The following B4GALNT2 variants were observed in gnomAD, a reference collection of about 807,000 sequenced individuals.
B4GALNT2 encodes N-acetylneuraminylgalactosylglucosyl-glucoside beta-1,4-N- acetylgalactosaminyltransferase 2.
In B4GALNT2, 42 loss-of-function variants were observed where a neutral mutation model predicts 51.1. That is an observed-to-expected ratio of 0.82 (90% confidence interval 0.64 to 1.06). B4GALNT2 has a LOEUF of 1.06. Ranked by LOEUF, B4GALNT2 falls within the 50% of genes least tolerant of loss-of-function variation. B4GALNT2 has a pLI of 0.00. For synonymous variants in B4GALNT2, 253 were observed against 251.7 expected, an observed-to-expected ratio of 1.01 and a Z score of -0.05; for missense variants, 602 against 633.6, an observed-to-expected ratio of 0.95 and a Z score of 0.54.
chr17:49,172,087 C>A lies in B4GALNT2; in HGVS notation c.*2359C>A. 3.3e-6 allele frequency: 1 copy of A among 301,358 alleles called. No homozygotes were observed. Among genetic ancestry groups the A allele is most frequent in the East Asian group, 5.6e-5 (1 of 17,998 alleles). 18.7% of individuals were successfully genotyped at this position (301,358 alleles called of 1,614,324 possible). ...CTATCATATCTATCATTAAATTACT[C>A]ATTGTGACTGGTTGTCCCACTTTCC... On this transcript the variant is annotated 3_prime_UTR_variant, in exon 11 of 11. Transcript: ENST00000393354.
intron 3 of B4GALNT2, among the ~76,000 whole-genome samples, chr17:49,147,900 T>G (rs539985937): frequency 6.6e-6 from 1 of 151,966 alleles, no homozygotes; most frequent in Non-Finnish European, 1.5e-5. Flanking sequence ...CTGTTGGTTT[T>G]TTGTGTATTT....
intron 1 of B4GALNT2, among the ~76,000 whole-genome samples, chr17:49,136,542 ATTTATTTATT>A (rs895129617): frequency 2.0e-5 from 3 of 150,674 alleles, no homozygotes; most frequent in African/African-American, 4.9e-5. Context: ...TTATTTATTT[ATTTATTTATT>A]TATTTATTTT....
At chr17:49,133,780 G>A (rs2042563566) in intron 1 of B4GALNT2, among the ~76,000 whole-genome samples, 1 of 152,156 alleles carries the variant, frequency 6.6e-6, no homozygotes, top group Non-Finnish European at 1.5e-5. Context: ...GGGTGTGGTG[G>A]CAAGTGCCTG....
chr17:49,157,559 T>C (rs886502255), intron 5 of B4GALNT2, among the ~76,000 whole-genome samples: 5 of 152,132 alleles, frequency 3.3e-5, no homozygotes, highest in African/African-American at 1.2e-4. Flanking sequence ...TGACCTTAAG[T>C]GATCCATCTT....
upstream of B4GALNT2, among the ~76,000 whole-genome samples, chr17:49,131,898 C>T (rs144222463): frequency 8.8e-3 from 1,341 of 152,130 alleles, 12 homozygotes; most frequent in Non-Finnish European, 0.013. Context: ...TTTGGGAGGC[C>T]GAGACAGGAC....
upstream of B4GALNT2, among the ~76,000 whole-genome samples, chr17:49,128,387 T>C (rs930326208): frequency 6.6e-6 from 1 of 151,910 alleles, no homozygotes; most frequent in East Asian, 1.9e-4. Flanking sequence ...AGGGTTCAGA[T>C]GGGTGAGGAG....
In B4GALNT2 at chr17:49,142,093, T is replaced by C. The variant is rs1431604162; in HGVS notation, c.274T>C (p.Phe92Leu). ...CAACAAAGAGCAGGGAGGTTACAAC[T>C]TTCAGGATGCCTATGGCCAGAGCGA... ...EANKEQGGYN[F>L]QDAYGQSDLP... Residue 92 changes from phenylalanine (F) to leucine (L), a missense_variant, in exon 3 of 11, where the codon TTT (phenylalanine) becomes CTT (leucine). Phe to Leu is a conservative substitution (Grantham distance 22). Coordinates refer to ENST00000393354, the MANE Select transcript of B4GALNT2 (RefSeq NM_001159387.2). 1.2e-6 allele frequency: 2 copies of C among 1,614,100 alleles called. No individual in the cohort carries two copies. Among genetic ancestry groups the C allele is most frequent in the Non-Finnish European group, 1.7e-6 (2 of 1,180,010 alleles).
upstream of B4GALNT2, among the ~76,000 whole-genome samples, chr17:49,129,898 G>A (rs9889577): frequency 0.53 from 80,149 of 151,780 alleles, 21,440 homozygotes; most frequent in Middle Eastern, 0.62. Context: ...GATTTAGGTG[G>A]TTTTTGATCA....
At chr17:49,147,896 G>T (rs1567859050) in intron 3 of B4GALNT2, among the ~76,000 whole-genome samples, 1 of 150,824 alleles carries the variant, frequency 6.6e-6, no homozygotes, top group Non-Finnish European at 1.5e-5. Context: ...TATACTGTTG[G>T]TTTTTTGTGT....
chr17:49,152,982 T>G, intron 4 of B4GALNT2, 76 bp downstream of exon 4: 1 of 1,327,538 alleles, frequency 7.5e-7, no homozygotes, highest in Non-Finnish European at 1.1e-6. Flanking sequence ...AGAGGTCGGG[T>G]GCAGTGGCTC....
At chr17:49,140,605 A>G (rs978748104) in intron 1 of B4GALNT2, among the ~76,000 whole-genome samples, 2 of 152,036 alleles carry the variant, frequency 1.3e-5, no homozygotes, top group African/African-American at 4.8e-5. Context: ...TTAGTGGATA[A>G]AAGTTCACGG....
rs2042956511 is a variant in B4GALNT2 at position 49,171,359 on chromosome 17, T to G, written c.*1631T>G. The G allele has an allele frequency of 2.3e-6, 1 of 427,668 alleles. No individual in the cohort carries two copies. The highest frequency in any genetic ancestry group is 7.1e-5 in the East Asian group (1 of 14,030). The allele number at this position is 427,668 out of a possible 1,614,324, so 26.5% of individuals were successfully genotyped here. ...TAATATCTGCTAATCTGTCTGCAGCTCCTTCAAGCACTCCAGTTCCTGGCA... is the reference window on the plus strand; with the variant it reads ...TAATATCTGCTAATCTGTCTGCAGCGCCTTCAAGCACTCCAGTTCCTGGCA... On this transcript the variant is annotated 3_prime_UTR_variant, in exon 11 of 11. Transcript: ENST00000393354.
chr17:49,148,136 C>G (rs930426586), intron 3 of B4GALNT2, among the ~76,000 whole-genome samples: 1 of 151,570 alleles, frequency 6.6e-6, no homozygotes, highest in African/African-American at 2.4e-5. Flanking sequence ...CCTGTCTCTA[C>G]TAAAAATACA....
intron 3 of B4GALNT2, 151 bp from the exon 4 acceptor site, chr17:49,152,649 C>G (rs2042770151): frequency 1.7e-6 from 1 of 596,956 alleles, no homozygotes; most frequent in East Asian, 3.0e-5. Flanking sequence ...GCACTCCAGC[C>G]TGGGTGACGA....
Position 49,168,647 on chromosome 17 carries a change from C to T in B4GALNT2, c.1096-34C>T, listed in dbSNP as rs1457270746. On this transcript the variant is annotated intron_variant, in intron 9 of 10. Transcript: ENST00000393354. The stretch of plus-strand genomic sequence containing the variant: ...AAGAGGCAGGATGAATATTGATCTG[C>T]ACTCTAACATGGATTTCTCTGCCTG... 4 of 1,588,746 alleles carry T rather than the reference C, an allele frequency of 2.5e-6. No homozygotes were observed. In the South Asian group the frequency reaches 3.4e-5, roughly 13 times the overall value.
chr17:49,146,891 T>C (rs12450715), intron 3 of B4GALNT2, among the ~76,000 whole-genome samples: 24,854 of 152,228 alleles, frequency 0.16, 2,348 homozygotes, highest in East Asian at 0.44. Flanking sequence ...TTGGCACTGC[T>C]CTTGCAGGAT....
Position 49,160,572 on chromosome 17 carries a change from T to G in B4GALNT2, c.697T>G (p.Ser233Ala). The G allele has an allele frequency of 6.2e-7, 1 of 1,614,036 alleles. No individual in the cohort carries two copies. Among genetic ancestry groups the G allele is most frequent in the Non-Finnish European group, 8.5e-7 (1 of 1,179,950 alleles). Residue 233 changes from serine (S) to alanine (A), a missense_variant, in exon 7 of 11, where the codon TCC becomes GCC. Transcript: ENST00000393354. ...KVDIVSLESR[S>A]SVAKFPVTIR... ...CCCTCCAGTGAGTCTGGAGTCCAGG[T>G]CCTCAGTGGCCAAGTTTCCAGTGAC...
chr17:49,148,654 G>A, intron 3 of B4GALNT2: 1 of 567,944 alleles, frequency 1.8e-6, no homozygotes, highest in Non-Finnish European at 3.3e-6. Context: ...CCGGACTTGA[G>A]AGACTGCACA....
At chr17:49,150,333 G>A (rs969536258) in intron 3 of B4GALNT2, among the ~76,000 whole-genome samples, 2 of 151,538 alleles carry the variant, frequency 1.3e-5, no homozygotes, top group Non-Finnish European at 2.9e-5. Flanking sequence ...CAGCAGCCCC[G>A]TCCGGGAGGT....
Sources: gnomAD v4.1 joint callset for allele counts (sites outside exome capture counted in the v4.1 genomes callset) on GRCh38, gnomAD v4.1.1 for gene constraint, MANE v1.5 for transcripts, NCBI Gene and HGNC (gene_info 2026-07-23, HGNC 2026-07-21) for gene names.